UMPS: variants seen among roughly 807,000 people sequenced by gnomAD.
UMPS encodes the protein uridine monophosphate synthetase, also known as uridine 5'-monophosphate synthase.
In UMPS, 21 loss-of-function variants were observed where a neutral mutation model predicts 38.9. The observed-to-expected ratio is 0.54, with a 90% confidence interval of 0.38 to 0.78. UMPS has a LOEUF of 0.78. Among genes scored for constraint, UMPS ranks in the 30% least tolerant of loss-of-function variants. The pLI, the probability that UMPS is intolerant of heterozygous loss-of-function variation, is 0.00. For missense variants in UMPS, 533 were observed against 591.6 expected, an observed-to-expected ratio of 0.90 and a Z score of 1.03; for synonymous variants, 208 against 219.3, an observed-to-expected ratio of 0.95 and a Z score of 0.45.
chr3:124,747,065 C>CA lies in UMPS; in HGVS notation c.*2982dup, dbSNP rs759916640. On this transcript the variant is annotated 3_prime_UTR_variant, in exon 6 of 6. Coordinates refer to ENST00000232607, the MANE Select transcript of UMPS (RefSeq NM_000373.4). ...CTCTGTTGCCCAGGCTGGAGTATAT[C>CA]ATGGCTCACTGCAACCTTGACTTGG... 7 of 453,466 alleles carry CA rather than the reference C, an allele frequency of 1.5e-5. No individual in the cohort carries two copies. The highest frequency in any genetic ancestry group is 2.2e-5 in the Non-Finnish European group (5 of 226,476). The allele number at this position is 453,466 out of a possible 1,614,324, so 28.1% of individuals were successfully genotyped here.
At chr3:124,735,347 G>T in intron 2 of UMPS, 101 bp downstream of exon 2, 1 of 1,150,964 alleles carries the variant, frequency 8.7e-7, no homozygotes, top group South Asian at 1.4e-5. Flanking sequence ...CAGTCATCTT[G>T]AGTTCTTTAA....
chr3:124,732,298 G>T (rs1194464624), intron 1 of UMPS: 1 of 152,942 alleles, frequency 6.5e-6, no homozygotes, highest in African/African-American at 2.4e-5. Context: ...ATTTTGCACT[G>T]TGCGGCCAGA....
rs2150906311 is a variant in UMPS at position 124,748,816 on chromosome 3, C to T, written c.*4732C>T. On this transcript the variant is annotated 3_prime_UTR_variant, in exon 6 of 6. Coordinates refer to ENST00000232607, the MANE Select transcript of UMPS (RefSeq NM_000373.4). ...CTGAGGTGGCCTGAGCTTCCTGTGG[C>T]TCCAGAGTAACATTATAGAGAAGCT... is the stretch of plus-strand genomic sequence containing the variant. 1 of 399,480 alleles carries T rather than the reference C, an allele frequency of 2.5e-6. No individual in the cohort carries two copies. The highest frequency in any genetic ancestry group is 8.7e-4 in the Middle Eastern group (1 of 1,148). 24.7% of individuals were successfully genotyped at this position (399,480 alleles called of 1,614,324 possible).
At position 124,733,927 on chromosome 3, in the gene UMPS, A is replaced by C. The variant is rs1227286027; in HGVS notation, c.157-1166A>C. Among the ~76,000 whole-genome samples the C allele has an allele frequency of 3.9e-5, 6 of 152,208 alleles. No individual in the cohort carries two copies. In the East Asian group the frequency reaches 1.2e-3, roughly 29 times the overall value. On this transcript the variant is annotated intron_variant, in intron 1 of 5. Transcript: ENST00000232607. ...CAAGTATAATCATATATTACTTTAG[A>C]ATAAAATTCTGTGGACACAGTGGAG...
chr3:124,747,089 G>A lies in UMPS; in HGVS notation c.*3005G>A, dbSNP rs2063607404. The A allele has an allele frequency of 2.2e-6, 1 of 453,604 alleles. No individual in the cohort carries two copies. The highest frequency in any genetic ancestry group is 1.6e-5 in the South Asian group (1 of 64,414). The allele number at this position is 453,604 out of a possible 1,614,324, so 28.1% of individuals were successfully genotyped here. A position where few individuals can be genotyped will look rare whatever the true frequency, so the allele number is the denominator to read the frequency against. On this transcript the variant is annotated 3_prime_UTR_variant, in exon 6 of 6. Transcript: ENST00000232607. ...TCATGGCTCACTGCAACCTTGACTT[G>A]GGCTCAAGCGATCCGCTCAAGTAGC...
intron 2 of UMPS, 47 bp from the exon 3 acceptor site, chr3:124,737,521 T>C (rs1475709598): frequency 1.9e-6 from 3 of 1,568,206 alleles, no homozygotes; most frequent in African/African-American, 2.7e-5. Flanking sequence ...TACGCACATA[T>C]ACATACATAT....
At chr3:124,741,151 C>T (rs1210682177) in intron 4 of UMPS, among the ~76,000 whole-genome samples, 2 of 152,208 alleles carry the variant, frequency 1.3e-5, no homozygotes, top group Admixed American at 6.5e-5. Flanking sequence ...GTCTGATTTC[C>T]CAAGTCTCAA....
chr3:124,735,132 A>G lies in UMPS; in HGVS notation c.196A>G (p.Ile66Val). ...ATTCCAAACTGCCCAAAATGCAGGCATCAGTTTTGACACCGTGTGTGGAGT... is the reference window on the plus strand; with the variant it reads ...ATTCCAAACTGCCCAAAATGCAGGCGTCAGTTTTGACACCGTGTGTGGAGT... Reference protein sequence around the residue: ...ILFQTAQNAGISFDTVCGVPY... With the variant: ...ILFQTAQNAGVSFDTVCGVPY... Residue 66 changes from isoleucine (I) to valine (V), a missense_variant, in exon 2 of 6, where the codon ATC becomes GTC. Ile to Val is a conservative substitution (Grantham distance 29, BLOSUM62 3). Coordinates refer to ENST00000232607, the MANE Select transcript of UMPS (RefSeq NM_000373.4). The G allele has an allele frequency of 1.2e-6, 2 of 1,614,104 alleles. No homozygotes were observed. The highest frequency in any genetic ancestry group is 1.7e-6 in the Non-Finnish European group (2 of 1,179,960).
Position 124,746,078 on chromosome 3 carries a change from G to C in UMPS, c.*1994G>C, listed in dbSNP as rs1289940817. 4 of 454,030 alleles carry C rather than the reference G, an allele frequency of 8.8e-6. No individual in the cohort carries two copies. Among genetic ancestry groups the C allele is most frequent in the Non-Finnish European group, 1.8e-5 (4 of 226,808 alleles). The allele number at this position is 454,030 out of a possible 1,614,324, so 28.1% of individuals were successfully genotyped here. A position where few individuals can be genotyped will look rare whatever the true frequency, so the allele number is the denominator to read the frequency against. On this transcript the variant is annotated 3_prime_UTR_variant, in exon 6 of 6. Coordinates refer to ENST00000232607, the MANE Select transcript of UMPS (RefSeq NM_000373.4). ...ACTGGTTATTCACATTTCTGCCTCT[G>C]CAGTGAGACAGCCTTGAGGTCTGCC...
intron 2 of UMPS, among the ~76,000 whole-genome samples, chr3:124,736,917 G>T (rs114181119): frequency 8.4e-4 from 128 of 152,312 alleles, no homozygotes; most frequent in African/African-American, 3.1e-3. Context: ...TAATTCTTTA[G>T]ATTGTAGTAA....
rs538286156 is a variant in UMPS at position 124,746,550 on chromosome 3, A to G, written c.*2466A>G. 1 of 454,128 alleles carries G rather than the reference A, an allele frequency of 2.2e-6. No individual in the cohort carries two copies. The highest frequency in any genetic ancestry group is 1.6e-5 in the South Asian group (1 of 64,472). The allele number at this position is 454,128 out of a possible 1,614,324, so 28.1% of individuals were successfully genotyped here. A position where few individuals can be genotyped will look rare whatever the true frequency, so the allele number is the denominator to read the frequency against. ...TTCAGCATTGAAGTATTTTGGAGGC[A>G]TTAGATAGTTTAACCCTTTCTCAGT... On this transcript the variant is annotated 3_prime_UTR_variant, in exon 6 of 6. Transcript: ENST00000232607.
chr3:124,733,026 A>T (rs914729665), intron 1 of UMPS, among the ~76,000 whole-genome samples: 3 of 150,260 alleles, frequency 2.0e-5, no homozygotes, highest in Non-Finnish European at 4.4e-5. Flanking sequence ...GGAGGAGTTC[A>T]AAACATGGAG....
intron 1 of UMPS, 94 bp downstream of exon 1, chr3:124,730,721 G>A: frequency 6.8e-7 from 1 of 1,464,352 alleles, no homozygotes; most frequent in Non-Finnish European, 9.3e-7. Flanking sequence ...GTGAGTGAGA[G>A]CAAAAGAGCC....
chr3:124,740,461 TA>T, intron 4 of UMPS, among the ~76,000 whole-genome samples: 1 of 152,160 alleles, frequency 6.6e-6, no homozygotes, highest in Admixed American at 6.5e-5. Flanking sequence ...AACAAACACT[TA>T]CTAAATCTAC....
rs765494316 is a variant in UMPS, at chr3:124,748,605, G to A, written c.*4521G>A. ...GTCAGATCCTGGTGTGGGCTCTCAC[G>A]TGCTGCTGCTGAATCCCAGGGAAGG... is the stretch of plus-strand genomic sequence containing the variant. On this transcript the variant is annotated 3_prime_UTR_variant, in exon 6 of 6. Transcript: ENST00000232607. 16 of 453,968 alleles carry A rather than the reference G, an allele frequency of 3.5e-5. 1 individual carries two copies. The highest frequency in any genetic ancestry group is 1.4e-4 in the South Asian group (9 of 64,480). 28.1% of individuals were successfully genotyped at this position (453,968 alleles called of 1,614,324 possible). A position where few individuals can be genotyped will look rare whatever the true frequency, so the allele number is the denominator to read the frequency against.
chr3:124,742,048 CTT>C (rs5852426), intron 4 of UMPS, 102 bp from the exon 5 acceptor site: 24,930 of 763,818 alleles, frequency 0.033, no homozygotes, highest in Admixed American at 0.048. Context: ...GACCTCATGT[CTT>C]TTTTTTTTTT....
At chr3:124,743,291 G>A (rs2063569516) in intron 5 of UMPS, among the ~76,000 whole-genome samples, 1 of 150,600 alleles carries the variant, frequency 6.6e-6, no homozygotes, top group Admixed American at 6.6e-5. Flanking sequence ...CTGAGATTGT[G>A]CCATTGCACT....
At chr3:124,738,309 C>G (rs558071307) in intron 3 of UMPS, 70 bp downstream of exon 3, 2 of 1,528,314 alleles carry the variant, frequency 1.3e-6, no homozygotes, top group East Asian at 4.7e-5. Flanking sequence ...AAAGGAAATG[C>G]TCATGTCATT....
Position 124,744,057 on chromosome 3 carries a change from A to C in UMPS, c.1416A>C (p.Glu472Asp), listed in dbSNP as rs746442557. 7 of 1,614,154 alleles carry C rather than the reference A, an allele frequency of 4.3e-6. No homozygotes were observed. In the Admixed American group the frequency reaches 1.2e-4, roughly 27 times the overall value. ...AAEMYRKAAWEAYLSRLGV is the reference protein window; with the variant it reads ...AAEMYRKAAWDAYLSRLGV ...AGATGTACAGAAAAGCTGCTTGGGA[A>C]GCGTATTTGAGTAGACTTGGTGTTT... is the stretch of plus-strand genomic sequence containing the variant. Residue 472 changes from glutamate to aspartate, a missense_variant, in exon 6 of 6, where the codon GAA becomes GAC. Coordinates refer to ENST00000232607, the MANE Select transcript of UMPS (RefSeq NM_000373.4).
Sources: gnomAD v4.1 joint callset for allele counts (sites outside exome capture counted in the v4.1 genomes callset) on GRCh38, gnomAD v4.1.1 for gene constraint, MANE v1.5 for transcripts, NCBI Gene and HGNC (gene_info 2026-07-23, HGNC 2026-07-21) for gene names.